MGAT4C: variants seen among roughly 807,000 people sequenced by gnomAD.
MGAT4C encodes alpha-1,3-mannosyl-glycoprotein 4-beta-N-acetylglucosaminyltransferase C.
In MGAT4C, 19 loss-of-function variants were observed where a neutral mutation model predicts 40.1. The observed-to-expected ratio is 0.47, with a 90% confidence interval of 0.33 to 0.70. The LOEUF (loss-of-function observed/expected upper bound fraction) is 0.70. Ranked by LOEUF, MGAT4C falls within the 30% of genes least tolerant of loss-of-function variation. The pLI is 0.02. For missense variants in MGAT4C, 491 were observed against 563.2 expected (o/e 0.87, Z 1.30); for synonymous variants, 181 against 187.1 (o/e 0.97, Z 0.27).
intron 1 of MGAT4C, among the ~76,000 whole-genome samples, chr12:86,814,964 T>A (rs1952571300): frequency 6.6e-6 from 1 of 152,054 alleles, no homozygotes; most frequent in African/African-American, 2.4e-5. Context: ...TGTTATAGCA[T>A]CCTGAGTAAA....
intron 2 of MGAT4C, among the ~76,000 whole-genome samples, chr12:86,031,662 A>G (rs898550035): frequency 6.6e-6 from 1 of 151,892 alleles, no homozygotes; most frequent in Non-Finnish European, 1.5e-5. Flanking sequence ...TGGTCTACAC[A>G]GTATGCAAAA....
chr12:86,423,120 T>A (rs1592827709), intron 3 of MGAT4C, among the ~76,000 whole-genome samples: 1 of 152,292 alleles, frequency 6.6e-6, no homozygotes, highest in East Asian at 1.9e-4. Context: ...TCTTTGCCTG[T>A]ACTGTTTGCT....
At chr12:86,630,169 C>T (rs1593061267) in intron 2 of MGAT4C, among the ~76,000 whole-genome samples, 1 of 152,108 alleles carries the variant, frequency 6.6e-6, no homozygotes, top group East Asian at 1.9e-4. Context: ...TGGATAAATT[C>T]CTCGACACAT....
At chr12:86,430,839 T>C (rs988089597) in intron 3 of MGAT4C, among the ~76,000 whole-genome samples, 6 of 152,210 alleles carry the variant, frequency 3.9e-5, no homozygotes, top group African/African-American at 1.2e-4. Context: ...GATTTGGGAC[T>C]CTTTGGGAGG....
chr12:86,023,990 A>G (rs757141794), intron 2 of MGAT4C, among the ~76,000 whole-genome samples: 33 of 151,846 alleles, frequency 2.2e-4, no homozygotes, highest in Admixed American at 9.2e-4. Flanking sequence ...ATGTTCTTAT[A>G]TGTTTAATAT....
chr12:86,589,210 A>C (rs1961212243), intron 2 of MGAT4C, among the ~76,000 whole-genome samples: 1 of 152,138 alleles, frequency 6.6e-6, no homozygotes, highest in South Asian at 2.1e-4. Flanking sequence ...ATAAAAAATG[A>C]TAAAGGGGAT....
chr12:86,357,439 C>T (rs977983987), intron 3 of MGAT4C, among the ~76,000 whole-genome samples: 1 of 152,184 alleles, frequency 6.6e-6, no homozygotes, highest in Non-Finnish European at 1.5e-5. Flanking sequence ...GAATGCTGCT[C>T]CTCGTCAGCA....
chr12:86,432,390 A>T (rs1957058523), intron 3 of MGAT4C, among the ~76,000 whole-genome samples: 1 of 152,064 alleles, frequency 6.6e-6, no homozygotes, highest in Admixed American at 6.6e-5. Context: ...ATTGGTAGAG[A>T]TGTGTAGTAA....
At chr12:86,556,393 A>C (rs1294247920) in intron 2 of MGAT4C, among the ~76,000 whole-genome samples, 2 of 152,192 alleles carry the variant, frequency 1.3e-5, no homozygotes, top group East Asian at 3.8e-4. Flanking sequence ...TACTTAACTA[A>C]AATATGTTAA....
chr12:86,353,350 T>G (rs916549203), intron 3 of MGAT4C, among the ~76,000 whole-genome samples: 5 of 151,970 alleles, frequency 3.3e-5, no homozygotes, highest in African/African-American at 1.2e-4. Flanking sequence ...CTCTGAAAAA[T>G]AAATAATAAC....
At chr12:86,650,719 C>T (rs1963672148) in intron 2 of MGAT4C, among the ~76,000 whole-genome samples, 1 of 151,822 alleles carries the variant, frequency 6.6e-6, no homozygotes, top group African/African-American at 2.4e-5. Flanking sequence ...CTGCAAAGCC[C>T]TCATTGACTT....
intron 2 of MGAT4C, among the ~76,000 whole-genome samples, chr12:86,501,404 A>C (rs2136334110): frequency 6.6e-6 from 1 of 152,172 alleles, no homozygotes; most frequent in African/African-American, 2.4e-5. Flanking sequence ...TTAAACGCGT[A>C]CCATGGTGGT....
intron 2 of MGAT4C, among the ~76,000 whole-genome samples, chr12:86,040,658 T>C (rs1286122333): frequency 1.3e-5 from 2 of 151,970 alleles, no homozygotes; most frequent in Non-Finnish European, 2.9e-5. Context: ...CAGCCCCCTT[T>C]CCAGGGCAGT....
At chr12:86,038,378 A>C (rs1204328518) in intron 2 of MGAT4C, among the ~76,000 whole-genome samples, 11 of 149,402 alleles carry the variant, frequency 7.4e-5, no homozygotes, top group African/African-American at 2.4e-4. Flanking sequence ...CCCAACACTA[A>C]GTCTCTTTGT....
intron 2 of MGAT4C, among the ~76,000 whole-genome samples, chr12:86,032,904 C>A (rs996009192): frequency 2.7e-5 from 4 of 149,756 alleles, no homozygotes; most frequent in African/African-American, 7.3e-5. Flanking sequence ...TTAGGTTTAA[C>A]ATTTAAGTCT....
intron 2 of MGAT4C, among the ~76,000 whole-genome samples, chr12:86,560,959 G>T (rs945262447): frequency 2.0e-5 from 3 of 151,996 alleles, no homozygotes; most frequent in African/African-American, 7.2e-5. Context: ...AAAGTTTCAG[G>T]ATACAAAACC....
At chr12:86,622,175 G>T (rs1178867924) in intron 2 of MGAT4C, among the ~76,000 whole-genome samples, 4 of 152,038 alleles carry the variant, frequency 2.6e-5, no homozygotes, top group African/African-American at 9.7e-5. Context: ...TGGTAAATGG[G>T]GAAGTATCTG....
intron 3 of MGAT4C, among the ~76,000 whole-genome samples, chr12:86,419,167 AT>A (rs1333885480): frequency 6.6e-6 from 1 of 152,062 alleles, no homozygotes; most frequent in Non-Finnish European, 1.5e-5. Flanking sequence ...CTGTTATAAA[AT>A]TATTACTGAA....
chr12:86,318,909 G>T (rs1954308701), intron 4 of MGAT4C, among the ~76,000 whole-genome samples: 1 of 151,976 alleles, frequency 6.6e-6, no homozygotes, highest in African/African-American at 2.4e-5. Flanking sequence ...TACCTCTATG[G>T]TCTTATACCT....
Sources: allele counts gnomAD v4.1 joint callset (sites outside exome capture counted in the v4.1 genomes callset), GRCh38; gene constraint gnomAD v4.1.1; transcripts MANE v1.5; gene names NCBI Gene and HGNC (gene_info 2026-07-23, HGNC 2026-07-21).